Variants in DGKH observed in about 807,000 individuals in gnomAD.
The protein encoded by DGKH is DAG kinase eta.
A neutral mutation model predicts 159.3 loss-of-function variants in DGKH; 90 were observed. The ratio of observed to expected loss-of-function variants is 0.57; its 90% CI spans 0.48 to 0.67. The LOEUF is 0.67. Ranked by LOEUF, DGKH falls within the 30% of genes least tolerant of loss-of-function variation. DGKH has a pLI of 0.00. For missense variants in DGKH, 1,181 were observed against 1,506.1 expected, an observed-to-expected ratio of 0.78 and a Z score of 3.57; for synonymous variants, 536 against 553.8, an observed-to-expected ratio of 0.97 and a Z score of 0.45.
chr13:42,251,256 G>A (rs962067355), intron 29 of DGKH, among the ~76,000 whole-genome samples: 6 of 151,974 alleles, frequency 3.9e-5, no homozygotes, highest in African/African-American at 9.7e-5. Context: ...TGGGCATATC[G>A]CTTGAGCCCA....
Position 42,224,894 on chromosome 13 carries a change from G to GAAA in DGKH, c.3573+3508_3573+3510dup, listed in dbSNP as rs71700896. Among the ~76,000 whole-genome samples the GAAA allele has an allele frequency of 3.2e-3, 457 of 143,002 alleles. 2 individuals are homozygous for GAAA. Among genetic ancestry groups the GAAA allele is most frequent in the African/African-American group, 0.01 (375 of 36,384 alleles). 93.8% of individuals were successfully genotyped at this position (143,002 alleles called of 152,430 possible). On this transcript the variant is annotated intron_variant, in intron 29 of 29. Coordinates refer to ENST00000337343, the MANE Select transcript of DGKH (RefSeq NM_178009.5). The stretch of plus-strand genomic sequence containing the variant: ...CATGACAGTCTAAAGTTGGGAAAAG[G>GAAA]AAAAAAAAAATATATATATATATAC...
intron 1 of DGKH, among the ~76,000 whole-genome samples, chr13:42,096,648 A>G (rs1476144150): frequency 6.6e-6 from 1 of 152,194 alleles, no homozygotes. Context: ...CTTTTACCCA[A>G]TAATGTCATG....
rs879122654 is a variant in DGKH at position 42,237,052 on chromosome 13, A to G, written c.*7864A>G. On this transcript the variant is annotated 3_prime_UTR_variant, in exon 30 of 30. Transcript: ENST00000337343. ...TGTTTGTTTCTGTCAAGTCGGTGAGATTTTAATTGTTTGAATTATTTCTAT... is the reference window on the plus strand; with the variant it reads ...TGTTTGTTTCTGTCAAGTCGGTGAGGTTTTAATTGTTTGAATTATTTCTAT... 5 of 152,186 alleles carry G rather than the reference A, an allele frequency of 3.3e-5. No homozygotes were observed. Among genetic ancestry groups the G allele is most frequent in the Admixed American group, 3.3e-4 (5 of 15,280 alleles). The allele number at this position is 152,186 out of a possible 1,614,324, so 9.4% of individuals were successfully genotyped here.
At chr13:42,226,908 C>T (rs996742252) in intron 29 of DGKH, among the ~76,000 whole-genome samples, 20 of 150,880 alleles carry the variant, frequency 1.3e-4, no homozygotes, top group Non-Finnish European at 2.4e-4. Flanking sequence ...TGTATATATA[C>T]ACCATGGAAT....
In DGKH at chr13:42,127,546, CA is replaced by C. The variant is rs773281658; in HGVS notation, c.277del (p.Thr93ProfsTer11). ...AGCGATACTTCAAACTTCGAGGCCG[CA>C]CCCTTTACTATGCAAAGGACTCAAA... Reference protein sequence around the residue: ...KKRYFKLRGRTLYYAKDSKSL... With the variant: ...KKRYFKLRGRXLYYAKDSKSL... On this transcript the variant is annotated frameshift_variant, in exon 2 of 30. Transcript: ENST00000337343. LOFTEE classifies it high-confidence loss of function. 1 of 1,613,704 alleles carries C rather than the reference CA, an allele frequency of 6.2e-7. No individual in the cohort carries two copies. Among genetic ancestry groups the C allele is most frequent in the Non-Finnish European group, 8.5e-7 (1 of 1,179,740 alleles).
intron 1 of DGKH, among the ~76,000 whole-genome samples, chr13:42,076,259 T>C (rs567549094): frequency 6.6e-6 from 1 of 152,338 alleles, no homozygotes; most frequent in South Asian, 2.1e-4. Context: ...GCTGTGTTTG[T>C]TGGATAGGAG....
Position 42,231,011 on chromosome 13 carries a change from A to T in DGKH, c.*1823A>T, listed in dbSNP as rs892514172. 3 of 152,142 alleles carry T rather than the reference A, an allele frequency of 2.0e-5. No individual in the cohort carries two copies. Among genetic ancestry groups the T allele is most frequent in the African/African-American group, 7.2e-5 (3 of 41,418 alleles). The allele number at this position is 152,142 out of a possible 1,614,324, so 9.4% of individuals were successfully genotyped here. A position where few individuals can be genotyped will look rare whatever the true frequency, so the allele number is the denominator to read the frequency against. On this transcript the variant is annotated 3_prime_UTR_variant, in exon 30 of 30. Coordinates refer to ENST00000337343, the MANE Select transcript of DGKH (RefSeq NM_178009.5). ...GTATGTCTGACTATATATTTTACCTAAGTTGTAAATAAATGGAAATTTTCC... is the reference window on the plus strand; with the variant it reads ...GTATGTCTGACTATATATTTTACCTTAGTTGTAAATAAATGGAAATTTTCC...
chr13:42,196,424 CAA>C (rs1957205271), intron 17 of DGKH, among the ~76,000 whole-genome samples: 1 of 152,006 alleles, frequency 6.6e-6, no homozygotes, highest in African/African-American at 2.4e-5. Context: ...ATGGAAGAAA[CAA>C]AAGTGATATA....
Position 42,219,228 on chromosome 13 carries a change from A to G in DGKH, c.3214-2A>G, listed in dbSNP as rs200061738. 5.1e-5 allele frequency: 83 copies of G among 1,613,384 alleles called. No homozygotes were observed. The East Asian group carries it at 1.7e-3, about 32-fold the overall frequency. On this transcript the variant is annotated splice_acceptor_variant, in intron 26 of 29. Coordinates refer to ENST00000337343, the MANE Select transcript of DGKH (RefSeq NM_178009.5). LOFTEE classifies it high-confidence loss of function. ...TTTGTCTTTTAATCTGCTGGTAAAT[A>G]GCAGCTGGAATCGCCACATGAAGAG...
intron 1 of DGKH, among the ~76,000 whole-genome samples, chr13:42,094,383 A>G (rs1474178892): frequency 2.6e-5 from 4 of 152,218 alleles, no homozygotes; most frequent in African/African-American, 9.6e-5. Flanking sequence ...TTGTTAGTAC[A>G]GTTTTCATCT....
intron 13 of DGKH, among the ~76,000 whole-genome samples, chr13:42,181,242 A>C (rs1339366582): frequency 2.3e-5 from 3 of 130,722 alleles, no homozygotes; most frequent in African/African-American, 8.3e-5. Context: ...GCGCCACTGC[A>C]CTCCCGCCTG....
chr13:42,072,193 C>T (rs1033129275), intron 1 of DGKH, among the ~76,000 whole-genome samples: 7 of 152,180 alleles, frequency 4.6e-5, no homozygotes, highest in Non-Finnish European at 1.0e-4. Flanking sequence ...CATAACCGCT[C>T]TTATCTTTGA....
At chr13:42,210,565 T>C (rs1410382157) in intron 23 of DGKH, 37 bp from the exon 24 acceptor site, 1 of 1,595,560 alleles carries the variant, frequency 6.3e-7, no homozygotes, top group Non-Finnish European at 8.5e-7. Flanking sequence ...CTCTGAGTTC[T>C]AAACTAACAA....
chr13:42,167,770 C>A (rs971307721), intron 9 of DGKH, among the ~76,000 whole-genome samples: 3 of 152,134 alleles, frequency 2.0e-5, no homozygotes, highest in Non-Finnish European at 4.4e-5. Flanking sequence ...GTTCCATTAT[C>A]TTATAGTCTT....
At chr13:42,209,522 T>C in intron 23 of DGKH, 57 bp downstream of exon 23, 4 of 1,469,514 alleles carry the variant, frequency 2.7e-6, no homozygotes, top group Non-Finnish European at 2.7e-6. Flanking sequence ...AATCTGAAAT[T>C]GTTATAAAAA....
chr13:42,059,503 G>A (rs1301866532), intron 1 of DGKH, among the ~76,000 whole-genome samples: 2 of 152,124 alleles, frequency 1.3e-5, no homozygotes, highest in African/African-American at 4.8e-5. Context: ...GCCCACGTTG[G>A]CCTCCCAAAG....
At chr13:42,226,184 A>G (rs1376886195) in intron 29 of DGKH, among the ~76,000 whole-genome samples, 2 of 152,234 alleles carry the variant, frequency 1.3e-5, no homozygotes, top group Non-Finnish European at 2.9e-5. Context: ...GCCAACAAAC[A>G]TATGAAAAAA....
At chr13:42,167,019 A>G (rs1173414274) in intron 9 of DGKH, among the ~76,000 whole-genome samples, 1 of 152,218 alleles carries the variant, frequency 6.6e-6, no homozygotes, top group Non-Finnish European at 1.5e-5. Flanking sequence ...ATTGATTTAC[A>G]TACAATATAA....
chr13:42,218,711 G>A (rs1007002634), intron 26 of DGKH, among the ~76,000 whole-genome samples: 2 of 152,030 alleles, frequency 1.3e-5, no homozygotes, highest in African/African-American at 4.8e-5. Flanking sequence ...GTTTCATCAT[G>A]TTGGCCAGTC....
Sources: gnomAD v4.1 joint callset for allele counts (sites outside exome capture counted in the v4.1 genomes callset) on GRCh38, gnomAD v4.1.1 for gene constraint, MANE v1.5 for transcripts, NCBI Gene and HGNC (gene_info 2026-07-23, HGNC 2026-07-21) for gene names.